MYH11: variants seen among roughly 807,000 people sequenced by gnomAD.
The protein encoded by MYH11 is myosin-11.
A neutral mutation model predicts 246.6 loss-of-function variants in MYH11; 80 were observed. The ratio of observed to expected loss-of-function variants is 0.32; its 90% CI spans 0.27 to 0.39. The LOEUF (loss-of-function observed/expected upper bound fraction) is 0.39. MYH11 is among the 10% of genes least tolerant of loss of function. The probability of loss-of-function intolerance (pLI) is 1.00; values close to 1 mark genes in which losing one functional copy is unlikely to be tolerated. For missense variants in MYH11, 2,158 were observed against 2,546.8 expected (o/e 0.85, Z 3.29); for synonymous variants, 1,071 against 1,015.5 (o/e 1.05, Z -1.04).
chr16:15,743,897 GC>G (rs1567720663), intron 20 of MYH11, among the ~76,000 whole-genome samples: 1 of 152,132 alleles, frequency 6.6e-6, no homozygotes, highest in Non-Finnish European at 1.5e-5. Flanking sequence ...ATGTCTTTGT[GC>G]CATGGGGACA....
intron 26 of MYH11, among the ~76,000 whole-genome samples, chr16:15,734,938 G>T (rs2041070487): frequency 6.6e-6 from 1 of 152,062 alleles, no homozygotes; most frequent in African/African-American, 2.4e-5. Context: ...CCAGCAGTTT[G>T]GGAGGCGGAA....
At chr16:15,762,072 T>C (rs1489064862) in intron 10 of MYH11, among the ~76,000 whole-genome samples, 1 of 152,246 alleles carries the variant, frequency 6.6e-6, no homozygotes, top group Non-Finnish European at 1.5e-5. Context: ...CCTCCTGCGT[T>C]CAAGCAGTTC....
At chr16:15,837,440 G>C (rs2043927869) in intron 2 of MYH11, among the ~76,000 whole-genome samples, 1 of 152,036 alleles carries the variant, frequency 6.6e-6, no homozygotes, top group South Asian at 2.1e-4. Flanking sequence ...CTTCGAGAGA[G>C]GAAATAACCT....
At position 15,724,969 on chromosome 16, in the gene MYH11, C is replaced by T; in HGVS notation, c.3882G>A (p.Gly1294=). The T allele has an allele frequency of 6.2e-7, 1 of 1,614,082 alleles. No homozygotes were observed. Among genetic ancestry groups the T allele is most frequent in the Non-Finnish European group, 8.5e-7 (1 of 1,180,024 alleles). ...CCTTCCCCTCGGCCTCGTTAAGCAT[C>T]CCTGTGACGCTCTCAACTTCATTCT... ...KLQNEVESVT[G]MLNEAEGKAI... Residue 1294 remains glycine (G), a synonymous_variant, in exon 29 of 41, where the codon GGG becomes GGA. Transcript: ENST00000300036.
chr16:15,833,383 G>T (rs1444151278), intron 2 of MYH11, among the ~76,000 whole-genome samples: 9 of 102,990 alleles, frequency 8.7e-5, no homozygotes, highest in Non-Finnish European at 2.0e-4. Context: ...GAGGGAGGGA[G>T]GGAGGAAGGA....
At chr16:15,756,617 C>A in intron 13 of MYH11, 103 bp from the exon 14 acceptor site, 1 of 1,183,900 alleles carries the variant, frequency 8.4e-7, no homozygotes, top group Non-Finnish European at 1.2e-6. Flanking sequence ...CCGCCGAGAT[C>A]TGATACTGTA....
intron 35 of MYH11, 111 bp downstream of exon 35, chr16:15,719,474 T>G: frequency 6.4e-7 from 1 of 1,557,484 alleles, no homozygotes; most frequent in South Asian, 1.1e-5. Context: ...TCTAGACAGG[T>G]GGACCCCAGA....
chr16:15,753,687 C>T (rs1676943273), intron 14 of MYH11, among the ~76,000 whole-genome samples, 179 bp from the exon 15 acceptor site: 1 of 152,174 alleles, frequency 6.6e-6, no homozygotes, highest in Non-Finnish European at 1.5e-5. Context: ...AGCCCAGGGA[C>T]CTGTGCCCAC....
rs200672270 is a variant in MYH11, at chr16:15,823,328, C to T, written c.429G>A (p.Lys143=). Residue 143 remains lysine (K), a synonymous_variant, in exon 3 of 41, where the codon AAG becomes AAA. Coordinates refer to ENST00000300036, the MANE Select transcript of MYH11 (RefSeq NM_002474.3). The part of the protein sequence containing the change: ...IYSEKIVDMY[K]GKKRHEMPPH... ...GCGGCATCTCGTGCCTCTTCTTGCC[C>T]TTGTACATGTCGACGATCTTCTCCG... The T allele has an allele frequency of 4.8e-4, 769 of 1,614,074 alleles. 1 individual carries two copies. The highest frequency in any genetic ancestry group is 5.8e-4 in the Non-Finnish European group (679 of 1,180,044).
At chr16:15,831,634 A>G (rs2043742715) in intron 2 of MYH11, among the ~76,000 whole-genome samples, 2 of 152,126 alleles carry the variant, frequency 1.3e-5, no homozygotes, top group South Asian at 4.1e-4. Context: ...TCTTTGAAGC[A>G]ATAATGACTT....
intron 1 of MYH11, among the ~76,000 whole-genome samples, chr16:15,840,786 TG>T (rs1329912714): frequency 1.3e-5 from 2 of 152,292 alleles, no homozygotes; most frequent in Non-Finnish European, 2.9e-5. Flanking sequence ...TGAACATGTA[TG>T]ATTATTTGTC....
intron 3 of MYH11, among the ~76,000 whole-genome samples, chr16:15,812,159 C>G (rs1247368297): frequency 6.6e-6 from 1 of 152,146 alleles, no homozygotes; most frequent in Non-Finnish European, 1.5e-5. Flanking sequence ...GACTGACCAG[C>G]AGGGCTCCGG....
At chr16:15,738,488 G>C in intron 24 of MYH11, 77 bp downstream of exon 24, 1 of 1,392,828 alleles carries the variant, frequency 7.2e-7, no homozygotes. Flanking sequence ...ACTGCAGCCT[G>C]GGCAACAGAG....
At chr16:15,735,666 C>G in intron 25 of MYH11, 88 bp from the exon 26 acceptor site, 1 of 1,304,530 alleles carries the variant, frequency 7.7e-7, no homozygotes. Flanking sequence ...TGGGACCAGA[C>G]AGTTATGTTG....
chr16:15,759,263 C>G (rs2041810459), intron 12 of MYH11, among the ~76,000 whole-genome samples: 1 of 149,474 alleles, frequency 6.7e-6, no homozygotes, highest in Non-Finnish European at 1.5e-5. Flanking sequence ...AGCCATCTTG[C>G]CCCCGTGAGG....
rs1300028548 is a variant in MYH11, at chr16:15,747,670, GGAA to G, written c.2308_2310del (p.Phe770del). ...TCTAGGTGGGCCAGGACGCCAGTTC[GGAA>G]GAAGATTTTGCTCTGCCCTATCCTG... On this transcript the variant is annotated inframe_deletion, in exon 19 of 41. Transcript: ENST00000300036. 1 of 1,614,092 alleles carries G rather than the reference GGAA, an allele frequency of 6.2e-7. No homozygotes were observed. The highest frequency in any genetic ancestry group is 8.5e-7 in the Non-Finnish European group (1 of 1,180,020).
intron 26 of MYH11, among the ~76,000 whole-genome samples, chr16:15,734,305 T>G (rs1278166331): frequency 6.6e-6 from 1 of 151,800 alleles, no homozygotes; most frequent in East Asian, 1.9e-4. Context: ...TGTTTTTTGT[T>G]TTTTTTTGAG....
chr16:15,733,294 C>T (rs1381134273), intron 26 of MYH11, among the ~76,000 whole-genome samples: 2 of 152,152 alleles, frequency 1.3e-5, no homozygotes, highest in African/African-American at 2.4e-5. Flanking sequence ...AGTGCGACAG[C>T]GCAATCTTGG....
chr16:15,725,620 G>A (rs1481717268), intron 28 of MYH11: 2 of 403,416 alleles, frequency 5.0e-6, no homozygotes, highest in Non-Finnish European at 8.7e-6. Context: ...GAATGATCTT[G>A]ACACTGCTTA....
Sources: allele counts gnomAD v4.1 joint callset (sites outside exome capture counted in the v4.1 genomes callset), GRCh38; gene constraint gnomAD v4.1.1; transcripts MANE v1.5; gene names NCBI Gene and HGNC (gene_info 2026-07-23, HGNC 2026-07-21).